Variants in DTNA observed in about 807,000 individuals in gnomAD.
The protein encoded by DTNA is dystrobrevin alpha.
A neutral mutation model predicts 100.7 loss-of-function variants in DTNA; 43 were observed. That is an observed-to-expected ratio of 0.43 (90% confidence interval 0.33 to 0.55). The LOEUF is 0.55. DTNA is among the 20% of genes least tolerant of loss of function. The pLI, the probability that DTNA is intolerant of heterozygous loss-of-function variation, is 0.04. For missense variants in DTNA, 798 were observed against 953.9 expected (o/e 0.84, Z 2.15); for synonymous variants, 349 against 347.9 (o/e 1.00, Z -0.04).
At chr18:34,814,819 T>C (rs1005375915) in intron 6 of DTNA, among the ~76,000 whole-genome samples, 2 of 152,236 alleles carry the variant, frequency 1.3e-5, no homozygotes, top group African/African-American at 2.4e-5. Flanking sequence ...ATATCCTTAA[T>C]GATAAGCAAC....
In DTNA at chr18:34,879,719, T is replaced by C. The variant is rs1409891911; in HGVS notation, c.2162T>C (p.Met721Thr). The change falls in exon 20 of 23, where the codon ATG becomes ACG. Residue 721 changes from methionine (M) to threonine (T), a missense_variant and splice_region_variant. Met to Thr is a moderately conservative substitution (Grantham distance 81). Around this residue, in one of 6 missense-constraint regions of DTNA, gnomAD observed 242 missense variants for 238.2 expected, o/e 1.02. Transcript: ENST00000444659. ...GATTSTMRGD[M>T]VTEDADPYVQ... Reference sequence around the variant, plus strand: ...ACCACAAGTACCATGCGTGGCGACATGTGAGTATCTTCCGCTTGGAAGCAT... The same window carrying C: ...ACCACAAGTACCATGCGTGGCGACACGTGAGTATCTTCCGCTTGGAAGCAT... 1 of 1,614,032 alleles carries C rather than the reference T, an allele frequency of 6.2e-7. No homozygotes were observed. The highest frequency in any genetic ancestry group is 8.5e-7 in the Non-Finnish European group (1 of 1,179,970).
intron 1 of DTNA, among the ~76,000 whole-genome samples, chr18:34,696,556 G>A (rs528684411): frequency 4.3e-4 from 65 of 152,152 alleles, no homozygotes; most frequent in South Asian, 1.9e-3. Flanking sequence ...CCAGCCTGGC[G>A]ACAGAGTGAG....
At chr18:34,714,356 A>C (rs1297585030) in intron 1 of DTNA, among the ~76,000 whole-genome samples, 8 of 147,542 alleles carry the variant, frequency 5.4e-5, no homozygotes, top group African/African-American at 2.1e-4. Flanking sequence ...TAATATCCAG[A>C]ATCTACAATG....
chr18:34,594,344 G>A (rs1321114502), intron 1 of DTNA, among the ~76,000 whole-genome samples: 1 of 152,150 alleles, frequency 6.6e-6, no homozygotes, highest in African/African-American at 2.4e-5. Context: ...TTCTTGTTTT[G>A]TCAAATGACC....
intron 1 of DTNA, among the ~76,000 whole-genome samples, chr18:34,713,969 C>T (rs1346097334): frequency 6.6e-6 from 1 of 151,988 alleles, no homozygotes; most frequent in African/African-American, 2.4e-5. Context: ...CTGAGAAAAA[C>T]AAGCAATGGG....
chr18:34,640,740 C>A lies in DTNA; in HGVS notation c.-1-115236C>A, dbSNP rs960441797. On this transcript the variant is annotated intron_variant, in intron 1 of 19. Coordinates refer to the DTNA transcript ENST00000283365. Reference sequence around the variant, plus strand: ...AATTGTTTGCTTCATCTTTAAAAACCAATTTGAAGTTTATATTCCTTCCAG... The same window carrying A: ...AATTGTTTGCTTCATCTTTAAAAACAAATTTGAAGTTTATATTCCTTCCAG... 2.0e-5 allele frequency among the ~76,000 whole-genome samples: 3 copies of A among 152,182 alleles called. No individual in the cohort carries two copies. The East Asian group carries it at 5.8e-4, about 29-fold the overall frequency.
chr18:34,592,917 G>A (rs920098120), intron 1 of DTNA, among the ~76,000 whole-genome samples: 1 of 152,140 alleles, frequency 6.6e-6, no homozygotes, highest in African/African-American at 2.4e-5. Context: ...TGTATTTTGT[G>A]TACCTGGGAA....
intron 1 of DTNA, among the ~76,000 whole-genome samples, chr18:34,600,144 A>G (rs1357835114): frequency 6.6e-6 from 1 of 152,246 alleles, no homozygotes; most frequent in Non-Finnish European, 1.5e-5. Flanking sequence ...TGTTTAGGAG[A>G]TACTTATGTA....
At chr18:34,727,138 G>A (rs1363619765) in intron 1 of DTNA, among the ~76,000 whole-genome samples, 1 of 152,190 alleles carries the variant, frequency 6.6e-6, no homozygotes, top group Non-Finnish European at 1.5e-5. Flanking sequence ...CCTAGCAGCT[G>A]GGATGCTGGG....
rs2052250298 is a variant in DTNA, at chr18:34,602,965, T to TG, written c.-2+109452dup. On this transcript the variant is annotated intron_variant, in intron 1 of 19. Coordinates refer to the DTNA transcript ENST00000283365. The stretch of plus-strand genomic sequence containing the variant: ...TTGCAGTGAACCGAGATCACGCCAT[T>TG]GTACTCCAGCCCGGGCGACAGTGTG... 2.0e-5 allele frequency among the ~76,000 whole-genome samples: 3 copies of TG among 151,664 alleles called. No individual in the cohort carries two copies. In the South Asian group the frequency reaches 6.3e-4, roughly 32 times the overall value.
chr18:34,724,957 C>A (rs577678876), intron 1 of DTNA, among the ~76,000 whole-genome samples: 9 of 152,136 alleles, frequency 5.9e-5, no homozygotes, highest in Non-Finnish European at 1.3e-4. Context: ...CTACAACCAT[C>A]GGATATTTGA....
At chr18:34,495,734 G>T (rs562889000) in intron 1 of DTNA, among the ~76,000 whole-genome samples, 1 of 152,290 alleles carries the variant, frequency 6.6e-6, no homozygotes, top group South Asian at 2.1e-4. Flanking sequence ...TAGCGGTGAA[G>T]ACTGAAATCA....
intron 17 of DTNA, among the ~76,000 whole-genome samples, chr18:34,865,252 CTCTCTTTTTTTTGTCTGTCCTTTCTT>C (rs2096683273): frequency 6.6e-6 from 1 of 151,468 alleles, no homozygotes; most frequent in African/African-American, 2.4e-5. Context: ...TCCTTTCTTT[CTCTCTTTTTTTTGTCTGTCCTTTCTT>C]TCTCTTTTTT....
At chr18:34,493,943 G>A (rs1338545789) in intron 1 of DTNA, 1 of 148,096 alleles carries the variant, frequency 6.8e-6, no homozygotes, top group Non-Finnish European at 1.5e-5. Context: ...TCCCCGGGCG[G>A]CGGGCGGCGC....
At chr18:34,818,449 G>A (rs2095641355) in intron 8 of DTNA, 119 bp downstream of exon 8, 18 of 1,542,242 alleles carry the variant, frequency 1.2e-5, no homozygotes, top group African/African-American at 1.4e-5. Context: ...CCCAGGTCTA[G>A]TATTCAGTCC....
intron 16 of DTNA, 98 bp downstream of exon 16, chr18:34,858,496 T>G: frequency 2.5e-6 from 3 of 1,197,550 alleles, no homozygotes; most frequent in Non-Finnish European, 3.7e-6. Flanking sequence ...CTCAGCTACC[T>G]TAGCTGCTGA....
intron 1 of DTNA, among the ~76,000 whole-genome samples, chr18:34,503,733 G>C (rs940413450): frequency 1.3e-5 from 2 of 148,320 alleles, no homozygotes; most frequent in African/African-American, 4.9e-5. Context: ...GGATTTCACT[G>C]TTTTTTTTTT....
At chr18:34,758,813 G>A (rs572945387) in intron 2 of DTNA, among the ~76,000 whole-genome samples, 2 of 152,282 alleles carry the variant, frequency 1.3e-5, no homozygotes, top group South Asian at 4.1e-4. Flanking sequence ...TCTAAAGTTA[G>A]GCAAGTTGAG....
intron 3 of DTNA, among the ~76,000 whole-genome samples, chr18:34,771,223 G>C (rs1332061153): frequency 6.6e-6 from 1 of 152,198 alleles, no homozygotes; most frequent in African/African-American, 2.4e-5. Context: ...TGTAAGTCCA[G>C]GCGTGGTGGC....
Sources: allele counts gnomAD v4.1 joint callset (sites outside exome capture counted in the v4.1 genomes callset), GRCh38; gene constraint gnomAD v4.1.1; regional missense constraint gnomAD v4.1.1; transcripts MANE v1.5; gene names NCBI Gene and HGNC (gene_info 2026-07-23, HGNC 2026-07-21).